Variants in MCF2L2 observed in about 807,000 individuals in gnomAD.
The protein encoded by MCF2L2 is probable guanine nucleotide exchange factor MCF2L2.
MCF2L2 carries 102 observed loss-of-function variants against 150.2 expected under a neutral mutation model. The observed-to-expected ratio is 0.68, with a 90% CI of 0.58 to 0.80. The LOEUF is 0.80. Ranked by LOEUF, MCF2L2 falls within the 30% of genes least tolerant of loss-of-function variation. The pLI is 0.00. For missense variants in MCF2L2, 1,256 were observed against 1,372.8 expected (o/e 0.91, Z 1.34); for synonymous variants, 465 against 491.3 (o/e 0.95, Z 0.71).
At position 183,270,463 on chromosome 3, in the gene MCF2L2, G is replaced by A. The variant is rs780884644; in HGVS notation, c.1862+6409C>T. 12 of 1,614,160 alleles carry A rather than the reference G, an allele frequency of 7.4e-6. No individual in the cohort carries two copies. Among genetic ancestry groups the A allele is most frequent in the South Asian group, 5.5e-5 (5 of 91,088 alleles). On this transcript the variant is annotated intron_variant, in intron 15 of 29. Transcript: ENST00000328913. This position sits in a 1 kb window ranked among gnomAD's most constrained non-coding sequence, Gnocchi z 4.5. Reference sequence around the variant, plus strand: ...GGTGTTCAAGACTTTTGGATTGGTCGTGTTCATCGTGGTGCCCCTCCCATT... The same window carrying A: ...GGTGTTCAAGACTTTTGGATTGGTCATGTTCATCGTGGTGCCCCTCCCATT...
intron 1 of MCF2L2, among the ~76,000 whole-genome samples, chr3:183,412,548 C>T (rs1715370219): frequency 6.6e-6 from 1 of 152,162 alleles, no homozygotes; most frequent in East Asian, 1.9e-4. Flanking sequence ...ATCCACCCAC[C>T]TCGGCCTCCC....
At chr3:183,228,065 C>G in intron 18 of MCF2L2, 1 of 212,736 alleles carries the variant, frequency 4.7e-6, no homozygotes, top group East Asian at 9.6e-5. Context: ...TGAATGTATT[C>G]ATTAACTTGA....
In MCF2L2 at chr3:183,179,750, C is replaced by G; in HGVS notation, c.3106-58G>C. 1.3e-6 allele frequency: 2 copies of G among 1,483,838 alleles called. No individual in the cohort carries two copies. Among genetic ancestry groups the G allele is most frequent in the Non-Finnish European group, 1.9e-6 (2 of 1,069,852 alleles). 91.9% of individuals were successfully genotyped at this position (1,483,838 alleles called of 1,614,324 possible). ...TTATTGCTGGAGGCTGTGGCCAGAC[C>G]GGGCAAGGTGGTGACTCCCGCTGGC... On this transcript the variant is annotated intron_variant, in intron 28 of 29. Coordinates refer to ENST00000328913, the MANE Select transcript of MCF2L2 (RefSeq NM_015078.4). The surrounding 1 kb of genome is among the most constrained non-coding windows in gnomAD (Gnocchi z 4.2).
intron 15 of MCF2L2, among the ~76,000 whole-genome samples, chr3:183,263,643 A>G (rs1725824230): frequency 6.6e-6 from 1 of 151,836 alleles, no homozygotes; most frequent in African/African-American, 2.4e-5. Context: ...CAGAGTACCC[A>G]CCTGGATCTC....
chr3:183,410,076 T>C (rs1014470154), intron 1 of MCF2L2, among the ~76,000 whole-genome samples: 2 of 152,104 alleles, frequency 1.3e-5, no homozygotes, highest in Non-Finnish European at 2.9e-5. Context: ...TACAATAAAT[T>C]GGACAACTAG....
At position 183,300,012 on chromosome 3, in the gene MCF2L2, A is replaced by G; in HGVS notation, c.1298T>C (p.Leu433Pro). The change falls in exon 11 of 30, where the codon CTG becomes CCG. Residue 433 changes from leucine to proline, a missense_variant. By Grantham distance (98) the Leu-to-Pro change is moderately conservative. Coordinates refer to ENST00000328913, the MANE Select transcript of MCF2L2 (RefSeq NM_015078.4). ...TGGCTGTGTTTTGCTCACCTTGTCC[A>G]GCTGTCTATGAAACTCTAAGGACTT... ...LGKSLEFHRQ[L>P]DKVSQWCEAG... is the part of the protein sequence containing the mutation. The G allele has an allele frequency of 6.2e-7, 1 of 1,612,098 alleles. No homozygotes were observed. Among genetic ancestry groups the G allele is most frequent in the Non-Finnish European group, 8.5e-7 (1 of 1,179,496 alleles).
rs1363313704 is a variant in MCF2L2, at chr3:183,181,795, G to A, written c.3017-1636C>T. Among the ~76,000 whole-genome samples the A allele has an allele frequency of 1.3e-5, 2 of 152,182 alleles. No individual in the cohort carries two copies. Among genetic ancestry groups the A allele is most frequent in the Non-Finnish European group, 2.9e-5 (2 of 68,026 alleles). On this transcript the variant is annotated intron_variant, in intron 27 of 29. Transcript: ENST00000328913. This position sits in a 1 kb window ranked among gnomAD's most constrained non-coding sequence, Gnocchi z 4.3. ...GGGACCATAGAGCCACCCACTGGGA[G>A]GCTGGCGGTTGGGCCTGGCTCAGGA...
chr3:183,316,211 G>C (rs1029424297), intron 7 of MCF2L2, among the ~76,000 whole-genome samples: 22 of 152,158 alleles, frequency 1.4e-4, no homozygotes, highest in African/African-American at 4.8e-4. Flanking sequence ...TTAGCCAGTA[G>C]GTTTGGAAAA....
At chr3:183,186,368 C>A (rs904513374) in intron 27 of MCF2L2, among the ~76,000 whole-genome samples, 1 of 152,174 alleles carries the variant, frequency 6.6e-6, no homozygotes, top group African/African-American at 2.4e-5. Context: ...ATCCTTTCAC[C>A]TTGGCCTGCC....
chr3:183,239,291 T>G (rs1723898363), intron 15 of MCF2L2, among the ~76,000 whole-genome samples: 1 of 152,070 alleles, frequency 6.6e-6, no homozygotes, highest in South Asian at 2.1e-4. Context: ...CTTAGCTCAT[T>G]AAAGGGGAAA....
Position 183,180,115 on chromosome 3 carries a change from AG to A in MCF2L2, c.3060del (p.Cys1021ValfsTer14). ...TTTTCCATGTCTTCTGCGCCTTCACAGTCTTCAAAGGTGTCCATGGAGCTAA... is the reference window on the plus strand; with the variant it reads ...TTTTCCATGTCTTCTGCGCCTTCACATCTTCAAAGGTGTCCATGGAGCTAA... ...REFSSMDTFE[D>X]CEGAEDMEKE... On this transcript the variant is annotated frameshift_variant, in exon 28 of 30. Transcript: ENST00000328913. LOFTEE classifies it high-confidence loss of function. The A allele has an allele frequency of 6.2e-7, 1 of 1,614,058 alleles. No homozygotes were observed. Among genetic ancestry groups the A allele is most frequent in the South Asian group, 1.1e-5 (1 of 91,084 alleles).
intron 3 of MCF2L2, among the ~76,000 whole-genome samples, chr3:183,348,458 C>T (rs1730986344): frequency 6.6e-6 from 1 of 152,028 alleles, no homozygotes; most frequent in Non-Finnish European, 1.5e-5. Context: ...GGACAAATAC[C>T]TAGTGTAGAT....
chr3:183,303,507 G>A (rs903657001), intron 10 of MCF2L2, among the ~76,000 whole-genome samples: 3 of 152,120 alleles, frequency 2.0e-5, no homozygotes, highest in Non-Finnish European at 2.9e-5. Context: ...CTCCAGGTGC[G>A]TACATCTTGC....
intron 15 of MCF2L2, among the ~76,000 whole-genome samples, chr3:183,238,871 C>T (rs1049281252): frequency 2.0e-5 from 3 of 151,372 alleles, no homozygotes; most frequent in Non-Finnish European, 4.4e-5. Context: ...GTGGTGGGTG[C>T]CTGTAGTCCC....
chr3:183,400,504 A>C (rs1714695476), intron 1 of MCF2L2: 1 of 456,414 alleles, frequency 2.2e-6, no homozygotes, highest in Middle Eastern at 3.3e-4. Flanking sequence ...GGATTCCAGG[A>C]AACGGCGCCA....
intron 16 of MCF2L2, 94 bp downstream of exon 16, chr3:183,230,856 TG>T: frequency 1.1e-6 from 1 of 884,950 alleles, no homozygotes; most frequent in Non-Finnish European, 1.8e-6. Context: ...GTGGGAATTC[TG>T]GAGACTTCTG....
intron 14 of MCF2L2, among the ~76,000 whole-genome samples, chr3:183,282,563 T>C (rs1011702933): frequency 6.6e-6 from 1 of 152,238 alleles, no homozygotes; most frequent in African/African-American, 2.4e-5. Flanking sequence ...TGTTATGTGA[T>C]AACTCTTTCC....
intron 8 of MCF2L2, among the ~76,000 whole-genome samples, 156 bp downstream of exon 8, chr3:183,311,492 G>A (rs1729375330): frequency 6.6e-6 from 1 of 152,138 alleles, no homozygotes; most frequent in Non-Finnish European, 1.5e-5. Context: ...GATGCCAGAC[G>A]GACGTATTCT....
intron 1 of MCF2L2, among the ~76,000 whole-genome samples, chr3:183,397,355 C>T (rs556826514): frequency 5.9e-5 from 9 of 152,072 alleles, no homozygotes; most frequent in African/African-American, 2.2e-4. Context: ...GGTGGAAGGG[C>T]GAAAGGGGTG....
Sources: gnomAD v4.1 joint callset for allele counts (sites outside exome capture counted in the v4.1 genomes callset) on GRCh38, gnomAD v4.1.1 for gene constraint, Gnocchi (gnomAD v3.1) non-coding constraint, MANE v1.5 for transcripts, NCBI Gene and HGNC (gene_info 2026-07-23, HGNC 2026-07-21) for gene names.